Variants in CAMSAP2 observed in about 807,000 individuals in gnomAD.
CAMSAP2 encodes the protein calmodulin regulated spectrin associated protein family member 2.
In CAMSAP2, 26 loss-of-function variants were observed where a neutral mutation model predicts 146.1. That is an observed-to-expected ratio of 0.18 (90% CI 0.13 to 0.25). The LOEUF (loss-of-function observed/expected upper bound fraction) is 0.25, where lower values mean the gene tolerates loss of function less well. Among genes scored for constraint, CAMSAP2 ranks in the 10% least tolerant of loss-of-function variants. The probability of loss-of-function intolerance (pLI) is 1.00; values close to 1 mark genes in which losing one functional copy is unlikely to be tolerated. For synonymous variants in CAMSAP2, 499 were observed against 596.6 expected, an observed-to-expected ratio of 0.84 and a Z score of 2.38; for missense variants, 1,381 against 1,759.3, an observed-to-expected ratio of 0.78 and a Z score of 3.85.
intron 4 of CAMSAP2, among the ~76,000 whole-genome samples, chr1:200,829,206 A>G (rs1465988700): frequency 6.6e-6 from 1 of 152,148 alleles, no homozygotes; most frequent in Non-Finnish European, 1.5e-5. Context: ...ATTAATTTAA[A>G]TAATTTTAGT....
chr1:200,770,831 A>G (rs1162637864), intron 2 of CAMSAP2, among the ~76,000 whole-genome samples: 1 of 152,172 alleles, frequency 6.6e-6, no homozygotes, highest in Admixed American at 6.5e-5. Context: ...TTTCACAAGT[A>G]AGGAAACTTT....
At position 200,857,572 on chromosome 1, in the gene CAMSAP2, T is replaced by A. The variant is rs1251042958; in HGVS notation, c.4131+148T>A. 3.8e-6 allele frequency: 3 copies of A among 790,976 alleles called. No homozygotes were observed. Among genetic ancestry groups the A allele is most frequent in the Non-Finnish European group, 4.0e-6 (2 of 503,128 alleles). The allele number at this position is 790,976 out of a possible 1,614,324, so 49.0% of individuals were successfully genotyped here. A position where few individuals can be genotyped will look rare whatever the true frequency, so the allele number is the denominator to read the frequency against. ...TTTAATTATCAGATTTAGTTTATTT[T>A]CACATTAGGTTCTGGAAGCCTGCAG... On this transcript the variant is annotated intron_variant, in intron 16 of 16. Coordinates refer to ENST00000358823, the MANE Select transcript of CAMSAP2 (RefSeq NM_203459.4). The surrounding 1 kb of genome is among the most constrained non-coding windows in gnomAD (Gnocchi z 4.7).
In CAMSAP2 at chr1:200,809,859, C is replaced by T. The variant is rs1666279962; in HGVS notation, c.561+2322C>T. 2.6e-5 allele frequency among the ~76,000 whole-genome samples: 4 copies of T among 152,244 alleles called. No homozygotes were observed. The South Asian group carries it at 6.2e-4, about 24-fold the overall frequency. On this transcript the variant is annotated intron_variant, in intron 3 of 16. Coordinates refer to ENST00000358823, the MANE Select transcript of CAMSAP2 (RefSeq NM_203459.4). ...TGAAGAGGCCACTGGTGAGAGCTTCCTGCTAAGTGGGGACTCTGCAGAGTC... is the reference window on the plus strand; with the variant it reads ...TGAAGAGGCCACTGGTGAGAGCTTCTTGCTAAGTGGGGACTCTGCAGAGTC...
At chr1:200,806,769 C>A (rs61827520) in intron 2 of CAMSAP2, among the ~76,000 whole-genome samples, 1 of 42,002 alleles carries the variant, frequency 2.4e-5, no homozygotes, top group South Asian at 6.1e-4. Flanking sequence ...GTGTGTGTAT[C>A]TATCTATCTA....
chr1:200,804,007 A>C (rs949868095), intron 2 of CAMSAP2, among the ~76,000 whole-genome samples: 1 of 151,088 alleles, frequency 6.6e-6, no homozygotes, highest in Non-Finnish European at 1.5e-5. Flanking sequence ...GCTCACTGCA[A>C]CCTCCACCTC....
chr1:200,833,415 G>T (rs918742751), intron 6 of CAMSAP2, among the ~76,000 whole-genome samples: 2 of 152,056 alleles, frequency 1.3e-5, no homozygotes, highest in African/African-American at 4.8e-5. Context: ...ACAAAAATTA[G>T]CTGGGAGTGG....
intron 3 of CAMSAP2, among the ~76,000 whole-genome samples, chr1:200,807,772 G>A (rs940265801): frequency 1.5e-5 from 2 of 132,598 alleles, no homozygotes; most frequent in Non-Finnish European, 3.1e-5. Flanking sequence ...AAGTAGTCTC[G>A]CTCTGTCACC....
chr1:200,784,547 T>C (rs1665531614), intron 2 of CAMSAP2, among the ~76,000 whole-genome samples: 2 of 152,258 alleles, frequency 1.3e-5, no homozygotes, highest in Admixed American at 6.5e-5. Flanking sequence ...GATTTAATTC[T>C]TAAATTATTT....
Position 200,849,335 on chromosome 1 carries a change from A to T in CAMSAP2, c.2566A>T (p.Ile856Phe). 1 of 1,614,112 alleles carries T rather than the reference A, an allele frequency of 6.2e-7. No individual in the cohort carries two copies. The highest frequency in any genetic ancestry group is 8.5e-7 in the Non-Finnish European group (1 of 1,180,028). The change falls in exon 11 of 17, where the codon ATT becomes TTT. Residue 856 changes from isoleucine (I) to phenylalanine (F), a missense_variant. Around this residue, in one of 4 missense-constraint regions of CAMSAP2, gnomAD observed 560 missense variants for 715.9 expected, o/e 0.78. Coordinates refer to ENST00000358823, the MANE Select transcript of CAMSAP2 (RefSeq NM_203459.4). The surrounding 1 kb of genome is among the most constrained non-coding windows in gnomAD (Gnocchi z 6.3). ...AKWLKSPTTP[I>F]DPEKQWNLAS... is the part of the protein sequence containing the mutation. ...ATGGCTAAAGTCTCCAACTACACCT[A>T]TTGATCCTGAGAAGCAGTGGAACCT...
chr1:200,739,747 C>T lies in CAMSAP2; in HGVS notation c.-81C>T, dbSNP rs2102979506. On this transcript the variant is annotated 5_prime_UTR_variant, in exon 1 of 17. Transcript: ENST00000358823. This position sits in a 1 kb window ranked among gnomAD's most constrained non-coding sequence, Gnocchi z 4.8. ...CCCCGATGGTTTGAGCTTGCTTCTC[C>T]CTCCCTCCCGACCCCCGTGGTGGCG... is the stretch of plus-strand genomic sequence containing the variant. The T allele has an allele frequency of 7.0e-7, 1 of 1,423,258 alleles. No individual in the cohort carries two copies. The highest frequency in any genetic ancestry group is 9.5e-7 in the Non-Finnish European group (1 of 1,050,512). 88.2% of individuals were successfully genotyped at this position (1,423,258 alleles called of 1,614,324 possible). A position where few individuals can be genotyped will look rare whatever the true frequency, so the allele number is the denominator to read the frequency against.
chr1:200,853,009 A>G lies in CAMSAP2; in HGVS notation c.3603-266A>G, dbSNP rs1323382584. ...TAACTTTCCTGGGAGATACACACACACACACACACACACACACACACGACC... is the reference window on the plus strand; with the variant it reads ...TAACTTTCCTGGGAGATACACACACGCACACACACACACACACACACGACC... On this transcript the variant is annotated intron_variant, in intron 12 of 16. Coordinates refer to ENST00000358823, the MANE Select transcript of CAMSAP2 (RefSeq NM_203459.4). The surrounding 1 kb of genome is among the most constrained non-coding windows in gnomAD (Gnocchi z 5.1). Among the ~76,000 whole-genome samples, 1 of 112,170 alleles carries G rather than the reference A, an allele frequency of 8.9e-6. No homozygotes were observed. Among genetic ancestry groups the G allele is most frequent in the East Asian group, 2.8e-4 (1 of 3,576 alleles). 73.6% of individuals were successfully genotyped at this position (112,170 alleles called of 152,430 possible).
At position 200,832,225 on chromosome 1, in the gene CAMSAP2, T is replaced by G. The variant is rs1667061607; in HGVS notation, c.671T>G (p.Leu224Trp). 8 of 1,612,522 alleles carry G rather than the reference T, an allele frequency of 5.0e-6. No homozygotes were observed. The South Asian group carries it at 7.7e-5, about 16-fold the overall frequency. The change falls in exon 5 of 17, where the codon TTG becomes TGG. Residue 224 changes from leucine to tryptophan, a missense_variant. This residue lies in a region of CAMSAP2 where 284 missense variants were observed against 406.9 expected (regional missense o/e 0.70). Coordinates refer to ENST00000358823, the MANE Select transcript of CAMSAP2 (RefSeq NM_203459.4). The surrounding 1 kb of genome is among the most constrained non-coding windows in gnomAD (Gnocchi z 4.2). ...QKARYRKEQT[L>W]LKQLPCIPLV... is the part of the protein sequence containing the mutation. ...GCTCGTTATCGGAAAGAGCAAACAT[T>G]GCTTAAGCAACTGCCTTGCATTCCA...
chr1:200,787,669 G>A (rs1408094451), intron 2 of CAMSAP2, among the ~76,000 whole-genome samples: 1 of 152,196 alleles, frequency 6.6e-6, no homozygotes, highest in African/African-American at 2.4e-5. Context: ...GAGTTTGATA[G>A]GACTGACTCC....
chr1:200,847,730 T>C (rs772291900), intron 10 of CAMSAP2, 21 bp downstream of exon 10: 72 of 1,580,910 alleles, frequency 4.6e-5, no homozygotes, highest in Non-Finnish European at 6.1e-5. Context: ...AGAATTACTT[T>C]TAGTGTATTC....
At chr1:200,835,043 C>T (rs55959343) in intron 6 of CAMSAP2, among the ~76,000 whole-genome samples, 26,176 of 152,186 alleles carry the variant, frequency 0.17, 2,999 homozygotes, top group East Asian at 0.35. Flanking sequence ...CATATACATG[C>T]TATATAAACA....
intron 1 of CAMSAP2, among the ~76,000 whole-genome samples, chr1:200,750,080 A>C (rs1319249326): frequency 6.6e-6 from 1 of 152,152 alleles, no homozygotes; most frequent in African/African-American, 2.4e-5. Context: ...GCTTATGGGA[A>C]ATAAGCAAAT....
At chr1:200,743,831 C>G (rs890326050) in intron 1 of CAMSAP2, among the ~76,000 whole-genome samples, 1 of 152,124 alleles carries the variant, frequency 6.6e-6, no homozygotes, top group Admixed American at 6.6e-5. Context: ...ATCCCAACTA[C>G]TCAGGAGGCT....
At chr1:200,807,687 C>T in intron 3 of CAMSAP2, 150 bp downstream of exon 3, 1 of 362,514 alleles carries the variant, frequency 2.8e-6, no homozygotes, top group Non-Finnish European at 4.7e-6. Flanking sequence ...AGTAAAAAAG[C>T]TTAAAATGAT....
At chr1:200,798,715 G>A (rs1287788392) in intron 2 of CAMSAP2, among the ~76,000 whole-genome samples, 1 of 140,632 alleles carries the variant, frequency 7.1e-6, no homozygotes, top group African/African-American at 2.7e-5. Flanking sequence ...TTGAATAGGA[G>A]TGGTGAGAGA....
Sources: allele counts gnomAD v4.1 joint callset (sites outside exome capture counted in the v4.1 genomes callset), GRCh38; gene constraint gnomAD v4.1.1; regional missense constraint gnomAD v4.1.1; non-coding constraint Gnocchi (gnomAD v3.1); transcripts MANE v1.5; gene names NCBI Gene and HGNC (gene_info 2026-07-23, HGNC 2026-07-21).